The following SLC24A3 variants were observed in gnomAD, a reference collection of about 807,000 sequenced individuals.
SLC24A3 encodes solute carrier family 24 member 3.
In SLC24A3, 28 loss-of-function variants were observed where a neutral mutation model predicts 75.8. That is an observed-to-expected ratio of 0.37 (90% confidence interval 0.27 to 0.51). The LOEUF (loss-of-function observed/expected upper bound fraction) is 0.51. Among genes scored for constraint, SLC24A3 ranks in the 20% least tolerant of loss-of-function variants. The pLI, the probability that SLC24A3 is intolerant of heterozygous loss-of-function variation, is 0.94. For synonymous variants in SLC24A3, 372 were observed against 334.1 expected, an observed-to-expected ratio of 1.11 and a Z score of -1.24; for missense variants, 663 against 847.8, an observed-to-expected ratio of 0.78 and a Z score of 2.71.
At chr20:19,239,687 T>G (rs1488472263) in intron 1 of SLC24A3, among the ~76,000 whole-genome samples, 1 of 152,028 alleles carries the variant, frequency 6.6e-6, no homozygotes, top group African/African-American at 2.4e-5. Flanking sequence ...GTAACCAATT[T>G]GATCCACACC....
At chr20:19,549,320 A>G (rs914954844) in intron 3 of SLC24A3, among the ~76,000 whole-genome samples, 2 of 152,238 alleles carry the variant, frequency 1.3e-5, no homozygotes, top group East Asian at 1.9e-4. Context: ...TTAGGGAAAC[A>G]ATCCAGAAGG....
chr20:19,482,877 T>C (rs759086153), intron 2 of SLC24A3, among the ~76,000 whole-genome samples: 2 of 152,220 alleles, frequency 1.3e-5, no homozygotes, highest in African/African-American at 4.8e-5. Flanking sequence ...TCTGCACCTG[T>C]GTGTGCTGAA....
chr20:19,491,058 A>G (rs565682591), intron 2 of SLC24A3, among the ~76,000 whole-genome samples: 1 of 152,290 alleles, frequency 6.6e-6, no homozygotes, highest in African/African-American at 2.4e-5. Flanking sequence ...CCCATGCACT[A>G]ATCACCCAGT....
At chr20:19,538,721 G>A (rs992766141) in intron 3 of SLC24A3, among the ~76,000 whole-genome samples, 1 of 152,198 alleles carries the variant, frequency 6.6e-6, no homozygotes, top group South Asian at 2.1e-4. Flanking sequence ...GCACTAAGTA[G>A]TAGAGCTGAA....
intron 2 of SLC24A3, among the ~76,000 whole-genome samples, chr20:19,483,973 G>T (rs140557094): frequency 6.6e-6 from 1 of 152,204 alleles, no homozygotes; most frequent in African/African-American, 2.4e-5. Context: ...TCCACTTTGA[G>T]ATACGTATCC....
chr20:19,441,263 G>A (rs966919737), intron 2 of SLC24A3, among the ~76,000 whole-genome samples: 2 of 152,100 alleles, frequency 1.3e-5, no homozygotes, highest in African/African-American at 2.4e-5. Flanking sequence ...CTTGGACCCC[G>A]GCATCCCACC....
At chr20:19,670,251 A>G (rs140775853) in intron 8 of SLC24A3, among the ~76,000 whole-genome samples, 164 of 152,206 alleles carry the variant, frequency 1.1e-3, no homozygotes, top group African/African-American at 3.7e-3. Flanking sequence ...AGGCTTGATG[A>G]TCCAAATTCA....
intron 6 of SLC24A3, among the ~76,000 whole-genome samples, chr20:19,596,103 C>T (rs948645612): frequency 7.2e-5 from 11 of 151,980 alleles, no homozygotes; most frequent in Non-Finnish European, 1.5e-4. Flanking sequence ...TGGGAAGCTA[C>T]GGGAGAGTTT....
intron 6 of SLC24A3, among the ~76,000 whole-genome samples, chr20:19,632,670 CTG>C (rs916554953): frequency 4.6e-5 from 7 of 152,224 alleles, no homozygotes; most frequent in Non-Finnish European, 1.0e-4. Flanking sequence ...ATACCAGGCA[CTG>C]TGTTTTTATA....
chr20:19,296,026 G>T (rs1037137559), intron 2 of SLC24A3, among the ~76,000 whole-genome samples: 1 of 152,048 alleles, frequency 6.6e-6, no homozygotes, highest in Admixed American at 6.6e-5. Context: ...TTACTGTCTC[G>T]ATTTCAGAAC....
chr20:19,539,084 T>C (rs1369406772), intron 3 of SLC24A3, among the ~76,000 whole-genome samples: 1 of 152,198 alleles, frequency 6.6e-6, no homozygotes, highest in African/African-American at 2.4e-5. Context: ...GTCAGGATGA[T>C]GGTTAGAGAC....
intron 1 of SLC24A3, among the ~76,000 whole-genome samples, chr20:19,273,004 T>C (rs192535885): frequency 3.6e-4 from 55 of 152,294 alleles, no homozygotes; most frequent in African/African-American, 1.3e-3. Context: ...GGAGAATATG[T>C]GGGCTTTCCC....
intron 2 of SLC24A3, among the ~76,000 whole-genome samples, chr20:19,484,520 A>G (rs1988101605): frequency 6.6e-6 from 1 of 152,216 alleles, no homozygotes; most frequent in Admixed American, 6.5e-5. Flanking sequence ...AAAAGGAAGG[A>G]AATTCTGATG....
chr20:19,523,540 G>A (rs2030142662), intron 3 of SLC24A3, among the ~76,000 whole-genome samples: 1 of 152,190 alleles, frequency 6.6e-6, no homozygotes, highest in African/African-American at 2.4e-5. Flanking sequence ...GAAGGTCCAG[G>A]TCTAATCATT....
rs1044493830 is a variant in SLC24A3, at chr20:19,262,254, A to C, written c.143-18705A>C. ...CCGTCTCTACTAAAAAACACAAAAA[A>C]ATTAGCCGGGCGTGGTGGCGGGCGC... On this transcript the variant is annotated intron_variant, in intron 1 of 16. Transcript: ENST00000328041. Among the ~76,000 whole-genome samples, 10 of 150,400 alleles carry C rather than the reference A, an allele frequency of 6.6e-5. 1 individual carries two copies. Among genetic ancestry groups the C allele is most frequent in the African/African-American group, 2.5e-4 (10 of 40,748 alleles).
chr20:19,266,684 T>C (rs550124741), intron 1 of SLC24A3, among the ~76,000 whole-genome samples: 60 of 152,158 alleles, frequency 3.9e-4, no homozygotes, highest in Non-Finnish European at 6.5e-4. Flanking sequence ...TAAAGAGAAC[T>C]GAAGAAACAC....
chr20:19,398,859 A>C (rs1986501394), intron 2 of SLC24A3, among the ~76,000 whole-genome samples: 1 of 152,168 alleles, frequency 6.6e-6, no homozygotes, highest in Admixed American at 6.5e-5. Context: ...GGAGCTAGAC[A>C]AGTTTTGTGT....
At chr20:19,498,378 T>C (rs1215698542) in intron 2 of SLC24A3, among the ~76,000 whole-genome samples, 1 of 152,266 alleles carries the variant, frequency 6.6e-6, no homozygotes. Flanking sequence ...GCCAAAAAGG[T>C]TGGGGACTGC....
intron 8 of SLC24A3, among the ~76,000 whole-genome samples, chr20:19,666,134 T>G (rs1296636390): frequency 6.6e-6 from 1 of 152,110 alleles, no homozygotes; most frequent in Admixed American, 6.5e-5. Context: ...CTAAATGTCT[T>G]TATTATCCTA....
Sources: allele counts gnomAD v4.1 joint callset (sites outside exome capture counted in the v4.1 genomes callset), GRCh38; gene constraint gnomAD v4.1.1; transcripts MANE v1.5; gene names NCBI Gene and HGNC (gene_info 2026-07-23, HGNC 2026-07-21).